Variants in LRFN2 observed in about 807,000 individuals in gnomAD.
LRFN2 encodes leucine-rich repeat and fibronectin type-III domain-containing protein 2.
A neutral mutation model predicts 37.3 loss-of-function variants in LRFN2; 18 were observed. The ratio of observed to expected loss-of-function variants is 0.48; its 90% confidence interval spans 0.33 to 0.72. The LOEUF (loss-of-function observed/expected upper bound fraction) is 0.72. LRFN2 is among the 30% of genes least tolerant of loss of function. The pLI is 0.02. For missense variants in LRFN2, 1,006 were observed against 1,060.7 expected, an observed-to-expected ratio of 0.95 and a Z score of 0.72; for synonymous variants, 556 against 466.6, an observed-to-expected ratio of 1.19 and a Z score of -2.47.
At chr6:40,535,498 T>C (rs1371204901) in intron 1 of LRFN2, among the ~76,000 whole-genome samples, 1 of 152,142 alleles carries the variant, frequency 6.6e-6, no homozygotes, top group Non-Finnish European at 1.5e-5. Flanking sequence ...GAAACCCGCC[T>C]GGGGTCAGGA....
chr6:40,538,549 C>CTA (rs1306763147), intron 1 of LRFN2, among the ~76,000 whole-genome samples: 10 of 152,262 alleles, frequency 6.6e-5, no homozygotes, highest in African/African-American at 2.4e-4. Flanking sequence ...AAATTGGCCA[C>CTA]TATATTGTCC....
chr6:40,544,551 C>T (rs1200071343), intron 1 of LRFN2, among the ~76,000 whole-genome samples: 1 of 152,172 alleles, frequency 6.6e-6, no homozygotes, highest in Non-Finnish European at 1.5e-5. Flanking sequence ...CTATACCTCC[C>T]CTTCCCAAAC....
intron 1 of LRFN2, among the ~76,000 whole-genome samples, chr6:40,560,318 T>C (rs945849490): frequency 1.3e-5 from 2 of 152,160 alleles, no homozygotes; most frequent in Non-Finnish European, 2.9e-5. Context: ...TCAAGGTCTA[T>C]AGGCTCTTCC....
intron 1 of LRFN2, among the ~76,000 whole-genome samples, chr6:40,572,501 C>G (rs745537937): frequency 7.2e-5 from 11 of 152,136 alleles, no homozygotes; most frequent in Non-Finnish European, 1.5e-4. Flanking sequence ...GAAAAAGTAC[C>G]TTACAAGTGG....
intron 1 of LRFN2, among the ~76,000 whole-genome samples, chr6:40,540,910 G>C (rs551153647): frequency 1.1e-4 from 16 of 152,310 alleles, no homozygotes; most frequent in African/African-American, 3.8e-4. Context: ...GCCAGAAGCG[G>C]TCTATCAGAG....
At chr6:40,522,952 G>A (rs1339771337) in intron 1 of LRFN2, among the ~76,000 whole-genome samples, 2 of 152,238 alleles carry the variant, frequency 1.3e-5, no homozygotes, top group African/African-American at 2.4e-5. Flanking sequence ...TGGAAGATGA[G>A]TGTGTAATAA....
In LRFN2 at chr6:40,430,520, G is replaced by A. The variant is rs911334060; in HGVS notation, c.1400+1194C>T. Among the ~76,000 whole-genome samples, 3 of 152,192 alleles carry A rather than the reference G, an allele frequency of 2.0e-5. No individual in the cohort carries two copies. In the East Asian group the frequency reaches 5.8e-4, roughly 29 times the overall value. On this transcript the variant is annotated intron_variant, in intron 2 of 2. Transcript: ENST00000338305. The stretch of plus-strand genomic sequence containing the variant: ...AAAGGACACCATACATTCCTTGAGC[G>A]GTAAGGTTTTAGGCCATGTCCTTCA...
rs576208400 is a variant in LRFN2, at chr6:40,557,283, A to G, written c.-19+29658T>C. 9.3e-4 allele frequency among the ~76,000 whole-genome samples: 142 copies of G among 152,364 alleles called. 2 individuals carry two copies. Among genetic ancestry groups the G allele is most frequent in the Admixed American group, 8.3e-3 (127 of 15,302 alleles). ...GGCCCCAAGGCACCGACATCTGACC[A>G]GCAGAAATGATGTCCTCTCTCAGAG... is the stretch of plus-strand genomic sequence containing the variant. On this transcript the variant is annotated intron_variant, in intron 1 of 2. Coordinates refer to ENST00000338305, the MANE Select transcript of LRFN2 (RefSeq NM_020737.3).
intron 1 of LRFN2, among the ~76,000 whole-genome samples, chr6:40,483,183 C>T (rs1282715520): frequency 6.6e-6 from 1 of 152,252 alleles, no homozygotes; most frequent in Admixed American, 6.5e-5. Flanking sequence ...TGTTGTGGGG[C>T]ATAAAATAGA....
rs1431662618 is a variant in LRFN2 at position 40,391,846 on chromosome 6, G to A, written c.*97C>T. The stretch of plus-strand genomic sequence containing the variant: ...CAGGGAGACGAAACTGTCCCTGGAT[G>A]TAAACATCACCATGGAAACTCCACA... On this transcript the variant is annotated 3_prime_UTR_variant, in exon 3 of 3. Coordinates refer to ENST00000338305, the MANE Select transcript of LRFN2 (RefSeq NM_020737.3). The A allele has an allele frequency of 2.3e-6, 3 of 1,320,284 alleles. No individual in the cohort carries two copies. Among genetic ancestry groups the A allele is most frequent in the South Asian group, 1.6e-5 (1 of 62,054 alleles). The allele number at this position is 1,320,284 out of a possible 1,614,324, so 81.8% of individuals were successfully genotyped here. A position where few individuals can be genotyped will look rare whatever the true frequency, so the allele number is the denominator to read the frequency against.
At chr6:40,421,067 T>A (rs1170893586) in intron 2 of LRFN2, among the ~76,000 whole-genome samples, 1 of 152,184 alleles carries the variant, frequency 6.6e-6, no homozygotes. Context: ...TGGCGACTCC[T>A]CTGTGGATAG....
chr6:40,444,228 A>G (rs536619664), intron 1 of LRFN2, among the ~76,000 whole-genome samples: 2 of 152,282 alleles, frequency 1.3e-5, no homozygotes, highest in African/African-American at 2.4e-5. Context: ...GAGTTATTGG[A>G]TAATTAAGGC....
chr6:40,524,371 A>T (rs953765363), intron 1 of LRFN2, among the ~76,000 whole-genome samples: 1 of 149,400 alleles, frequency 6.7e-6, no homozygotes, highest in South Asian at 2.2e-4. Context: ...CCCTACCCTG[A>T]CTTACTGCTT....
intron 2 of LRFN2, among the ~76,000 whole-genome samples, chr6:40,424,401 C>T (rs560168139): frequency 3.3e-5 from 5 of 152,228 alleles, no homozygotes; most frequent in Non-Finnish European, 5.9e-5. Context: ...ATGTGCCCCA[C>T]AGCAGGTACA....
At chr6:40,393,813 C>A (rs1762562634) in intron 2 of LRFN2, among the ~76,000 whole-genome samples, 1 of 152,152 alleles carries the variant, frequency 6.6e-6, no homozygotes, top group African/African-American at 2.4e-5. Context: ...CAAGGTCCTG[C>A]CTGGAGAGGC....
rs570845846 is a variant in LRFN2, at chr6:40,393,036, C to T, written c.1401-124G>A. 2.3e-5 allele frequency: 16 copies of T among 698,298 alleles called. No individual in the cohort carries two copies. The East Asian group carries it at 4.5e-4, about 20-fold the overall frequency. 43.3% of individuals were successfully genotyped at this position (698,298 alleles called of 1,614,324 possible). A position where few individuals can be genotyped will look rare whatever the true frequency, so the allele number is the denominator to read the frequency against. ...GAGGGGGAGGGGAGGGAGGCCAAGA[C>T]AGACACGGGGACACAGAGAGAATGG... On this transcript the variant is annotated intron_variant, in intron 2 of 2. Transcript: ENST00000338305.
intron 1 of LRFN2, among the ~76,000 whole-genome samples, chr6:40,486,368 T>A (rs1275916869): frequency 2.0e-5 from 3 of 152,200 alleles, no homozygotes; most frequent in Admixed American, 6.5e-5. Flanking sequence ...CATTCCTGAC[T>A]GTGCAATAAG....
At chr6:40,433,245 A>G (rs9367058) in intron 1 of LRFN2, 114 bp from the exon 2 acceptor site, 1 of 811,270 alleles carries the variant, frequency 1.2e-6, no homozygotes, top group East Asian at 2.8e-5. Flanking sequence ...TAGAATGGCA[A>G]GTGCTCAAGC....
intron 1 of LRFN2, among the ~76,000 whole-genome samples, chr6:40,511,467 G>C (rs960628479): frequency 2.6e-5 from 4 of 152,176 alleles, no homozygotes; most frequent in Non-Finnish European, 5.9e-5. Flanking sequence ...ACGGGAAGTA[G>C]GGGCAGTGGG....
Sources: gnomAD v4.1 joint callset for allele counts (sites outside exome capture counted in the v4.1 genomes callset) on GRCh38, gnomAD v4.1.1 for gene constraint, MANE v1.5 for transcripts, NCBI Gene and HGNC (gene_info 2026-07-23, HGNC 2026-07-21) for gene names.